CPNE4: variants seen among roughly 807,000 people sequenced by gnomAD.
CPNE4 encodes the protein copine-4.
Under a neutral mutation model 67.9 loss-of-function variants are expected in CPNE4, and 25 were observed. The observed-to-expected ratio is 0.37, with a 90% confidence interval of 0.27 to 0.51. The LOEUF (loss-of-function observed/expected upper bound fraction) is 0.51. CPNE4 is among the 20% of genes least tolerant of loss of function. The pLI, the probability that CPNE4 is intolerant of heterozygous loss-of-function variation, is 0.93. For synonymous variants in CPNE4, 242 were observed against 244.9 expected, an observed-to-expected ratio of 0.99 and a Z score of 0.11; for missense variants, 464 against 690.8, an observed-to-expected ratio of 0.67 and a Z score of 3.68.
intron 2 of CPNE4, among the ~76,000 whole-genome samples, chr3:131,743,819 C>T (rs550613206): frequency 7.3e-4 from 110 of 151,184 alleles, no homozygotes; most frequent in African/African-American, 2.4e-3. Context: ...AAAAATTAGC[C>T]GGGCGTGGTA....
intron 9 of CPNE4, among the ~76,000 whole-genome samples, chr3:131,577,017 G>A (rs1210845004): frequency 1.3e-5 from 2 of 152,006 alleles, no homozygotes; most frequent in African/African-American, 4.8e-5. Flanking sequence ...AGCTAACACT[G>A]GGAGAGTAGT....
At chr3:131,541,449 A>G (rs556762234) in intron 15 of CPNE4, among the ~76,000 whole-genome samples, 175 of 152,326 alleles carry the variant, frequency 1.1e-3, no homozygotes, top group African/African-American at 4.1e-3. Context: ...GGGGAATGCA[A>G]TGCTGCTTGA....
At chr3:131,539,044 AAG>A (rs1935332708) in intron 15 of CPNE4, 2 of 152,190 alleles carry the variant, frequency 1.3e-5, no homozygotes, top group South Asian at 4.1e-4. Context: ...AGAGCAGAAA[AAG>A]AGAGGCAATT....
intron 7 of CPNE4, among the ~76,000 whole-genome samples, chr3:131,600,589 C>T (rs546123768): frequency 2.8e-4 from 43 of 152,002 alleles, no homozygotes; most frequent in Non-Finnish European, 4.9e-4. Flanking sequence ...CACAGTCATC[C>T]GCCACTCATT....
At chr3:131,712,110 A>G (rs1546312) in intron 3 of CPNE4, among the ~76,000 whole-genome samples, 1 of 151,650 alleles carries the variant, frequency 6.6e-6, no homozygotes, top group African/African-American at 2.4e-5. Context: ...GTTCTTCCAC[A>G]TTTGTTTAAA....
chr3:131,651,383 G>C (rs2079812375), intron 7 of CPNE4, among the ~76,000 whole-genome samples: 1 of 152,144 alleles, frequency 6.6e-6, no homozygotes, highest in South Asian at 2.1e-4. Flanking sequence ...AAAGTCGTTG[G>C]TATTTCTTCT....
chr3:131,605,317 G>A (rs937754899), intron 7 of CPNE4, among the ~76,000 whole-genome samples: 1 of 151,700 alleles, frequency 6.6e-6, no homozygotes, highest in African/African-American at 2.4e-5. Flanking sequence ...TGTTACATGG[G>A]GTATGAATGA....
intron 5 of CPNE4, among the ~76,000 whole-genome samples, chr3:131,695,350 G>T (rs1207701184): frequency 6.6e-6 from 1 of 152,178 alleles, no homozygotes; most frequent in Non-Finnish European, 1.5e-5. Context: ...AATTCTATGA[G>T]CAAGTGTTCA....
intron 2 of CPNE4, among the ~76,000 whole-genome samples, chr3:131,732,129 C>T (rs1243562510): frequency 1.3e-5 from 2 of 152,190 alleles, no homozygotes; most frequent in African/African-American, 4.8e-5. Context: ...GTGTGATCTA[C>T]TCTGAATACC....
intron 2 of CPNE4, among the ~76,000 whole-genome samples, chr3:131,845,854 A>C (rs2085977302): frequency 6.6e-6 from 1 of 152,190 alleles, no homozygotes; most frequent in Non-Finnish European, 1.5e-5. Context: ...AGAGGAAAAA[A>C]ATTCTGGATA....
At chr3:131,607,398 T>TATAAAACA (rs1387880426) in intron 7 of CPNE4, among the ~76,000 whole-genome samples, 1 of 152,134 alleles carries the variant, frequency 6.6e-6, no homozygotes, top group African/African-American at 2.4e-5. Flanking sequence ...ATAAAACAGA[T>TATAAAACA]CTTCTTTACC....
chr3:131,536,158 G>A (rs544218500), intron 15 of CPNE4, among the ~76,000 whole-genome samples: 2 of 152,262 alleles, frequency 1.3e-5, no homozygotes, highest in South Asian at 4.1e-4. Context: ...AAATTGGCTT[G>A]AGACCAGGTG....
At chr3:131,994,961 T>A (rs1019981520) in intron 1 of CPNE4, among the ~76,000 whole-genome samples, 2 of 152,198 alleles carry the variant, frequency 1.3e-5, no homozygotes, top group African/African-American at 2.4e-5. Flanking sequence ...GTTCAACTTT[T>A]AAGGTGCCTC....
intron 1 of CPNE4, among the ~76,000 whole-genome samples, chr3:131,964,358 G>C (rs2072279040): frequency 6.6e-6 from 1 of 151,976 alleles, no homozygotes; most frequent in Non-Finnish European, 1.5e-5. Flanking sequence ...GCACAAAACT[G>C]GATGGAGAAT....
chr3:131,918,314 A>G (rs2070634657), intron 1 of CPNE4, among the ~76,000 whole-genome samples: 1 of 152,186 alleles, frequency 6.6e-6, no homozygotes, highest in Non-Finnish European at 1.5e-5. Context: ...TGGAAGTCCC[A>G]GAATGTGATA....
intron 2 of CPNE4, among the ~76,000 whole-genome samples, chr3:131,859,333 T>A (rs777233748): frequency 6.6e-6 from 1 of 152,176 alleles, no homozygotes; most frequent in Admixed American, 6.5e-5. Flanking sequence ...ATCTTGTTCT[T>A]ATGTGATGGC....
intron 2 of CPNE4, among the ~76,000 whole-genome samples, chr3:131,793,575 A>G (rs1243854429): frequency 1.3e-5 from 2 of 152,218 alleles, no homozygotes; most frequent in Non-Finnish European, 2.9e-5. Context: ...TTTCTGATAC[A>G]TAGTCACTAT....
At chr3:131,866,092 C>G (rs539479261) in intron 2 of CPNE4, among the ~76,000 whole-genome samples, 3 of 152,346 alleles carry the variant, frequency 2.0e-5, no homozygotes, top group Non-Finnish European at 4.4e-5. Flanking sequence ...TGAAGATTGT[C>G]TGCTGAGAAT....
chr3:131,681,958 A>G (rs373898899), intron 6 of CPNE4, among the ~76,000 whole-genome samples: 1 of 151,962 alleles, frequency 6.6e-6, no homozygotes, highest in South Asian at 2.1e-4. Flanking sequence ...TTTCAACTCC[A>G]GAATTTCTGC....
Sources: allele counts gnomAD v4.1 joint callset (sites outside exome capture counted in the v4.1 genomes callset), GRCh38; gene constraint gnomAD v4.1.1; transcripts MANE v1.5; gene names NCBI Gene and HGNC (gene_info 2026-07-23, HGNC 2026-07-21).